B4GALT1: variants seen among roughly 807,000 people sequenced by gnomAD.
B4GALT1 encodes beta-1,4-galactosyltransferase 1.
B4GALT1 carries 16 observed loss-of-function variants against 34.9 expected under a neutral mutation model. That is an observed-to-expected ratio of 0.46 (90% confidence interval 0.31 to 0.70). B4GALT1 has a LOEUF of 0.70. B4GALT1 is among the 30% of genes least tolerant of loss of function. B4GALT1 has a pLI of 0.05. For synonymous variants in B4GALT1, 221 were observed against 218.1 expected, an observed-to-expected ratio of 1.01 and a Z score of -0.12; for missense variants, 445 against 530.5, an observed-to-expected ratio of 0.84 and a Z score of 1.58.
At chr9:33,115,869 T>C (rs1031364606) in intron 4 of B4GALT1, 122 bp downstream of exon 4, 1 of 1,287,950 alleles carries the variant, frequency 7.8e-7, no homozygotes, top group East Asian at 2.5e-5. Context: ...CACCTAAGAA[T>C]GTGGGCTGAC....
chr9:33,110,500 G>A (rs1379080185), downstream of B4GALT1: 2 of 152,132 alleles, frequency 1.3e-5, no homozygotes, highest in Non-Finnish European at 2.9e-5. Flanking sequence ...ACAGATAAGA[G>A]AATGAAGTTC....
chr9:33,124,564 A>C (rs974951200), intron 2 of B4GALT1, among the ~76,000 whole-genome samples: 2 of 152,150 alleles, frequency 1.3e-5, no homozygotes, highest in African/African-American at 4.8e-5. Context: ...CAGCCCGGGG[A>C]GGCTGAGGTT....
chr9:33,136,435 C>T (rs1189849605), intron 1 of B4GALT1, among the ~76,000 whole-genome samples: 4 of 152,144 alleles, frequency 2.6e-5, no homozygotes, highest in East Asian at 1.9e-4. Context: ...ACCCAGGCTC[C>T]CCATACTCTC....
intron 1 of B4GALT1, among the ~76,000 whole-genome samples, chr9:33,152,530 T>TA (rs886448542): frequency 1.6e-3 from 127 of 81,816 alleles, no homozygotes; most frequent in Middle Eastern, 6.9e-3. Context: ...AGAAAAAGGG[T>TA]AAAAAAAAAT....
intron 1 of B4GALT1, among the ~76,000 whole-genome samples, chr9:33,148,776 C>A (rs1840464607): frequency 7.0e-6 from 1 of 142,634 alleles, no homozygotes; most frequent in African/African-American, 2.7e-5. Flanking sequence ...AACAAGAGGA[C>A]CATGGAACTT....
At chr9:33,125,922 G>A (rs1840085663) in intron 2 of B4GALT1, among the ~76,000 whole-genome samples, 1 of 152,136 alleles carries the variant, frequency 6.6e-6, no homozygotes, top group South Asian at 2.1e-4. Context: ...GGGACCAACT[G>A]TGCCCAGCCT....
At chr9:33,155,633 C>T (rs1399164346) in intron 1 of B4GALT1, among the ~76,000 whole-genome samples, 1 of 152,162 alleles carries the variant, frequency 6.6e-6, no homozygotes, top group Non-Finnish European at 1.5e-5. Flanking sequence ...CTCCTTGTGG[C>T]CTGGGGTACT....
At chr9:33,183,828 T>G in the B4GALT1 span, among the ~76,000 whole-genome samples, 1 of 152,004 alleles carries the variant, frequency 6.6e-6, no homozygotes, top group Non-Finnish European at 1.5e-5. Flanking sequence ...CATGGAATAC[T>G]ATGCAGCCAT....
rs1296842676 is a variant in B4GALT1, at chr9:33,113,929, C to T, written c.960-51G>A. The T allele has an allele frequency of 3.2e-6, 5 of 1,539,070 alleles. No homozygotes were observed. The East Asian group carries it at 1.1e-4, about 35-fold the overall frequency. ...TATCACAGAGCTGCCATACACTTGGCCTGAGAGCCCCGGCTGCAAGACTGT... is the reference window on the plus strand; with the variant it reads ...TATCACAGAGCTGCCATACACTTGGTCTGAGAGCCCCGGCTGCAAGACTGT... On this transcript the variant is annotated intron_variant, in intron 4 of 5. Coordinates refer to ENST00000379731, the MANE Select transcript of B4GALT1 (RefSeq NM_001497.4).
chr9:33,177,513 T>C, the B4GALT1 span: 2 of 152,230 alleles, frequency 1.3e-5, no homozygotes, highest in South Asian at 4.1e-4. Context: ...CTTTTGTTTG[T>C]GTATTTTCTA....
At chr9:33,116,579 G>A (rs1388218520) in intron 3 of B4GALT1, among the ~76,000 whole-genome samples, 2 of 131,886 alleles carry the variant, frequency 1.5e-5, no homozygotes, top group African/African-American at 5.7e-5. Flanking sequence ...GGAGTACAAT[G>A]GCGTGATCTC....
At chr9:33,118,373 C>A (rs1042368405) in intron 3 of B4GALT1, among the ~76,000 whole-genome samples, 1 of 152,116 alleles carries the variant, frequency 6.6e-6, no homozygotes, top group Non-Finnish European at 1.5e-5. Flanking sequence ...AAAGCTGTTG[C>A]ATCTCAGCAG....
chr9:33,105,062 C>T (rs963445625), intron 2 of B4GALT1, among the ~76,000 whole-genome samples: 1 of 151,978 alleles, frequency 6.6e-6, no homozygotes, highest in East Asian at 1.9e-4. Flanking sequence ...TCAAGTGATC[C>T]GCCCACCTTG....
chr9:33,157,097 C>T (rs1317103876), intron 1 of B4GALT1, among the ~76,000 whole-genome samples: 1 of 137,736 alleles, frequency 7.3e-6, no homozygotes, highest in Non-Finnish European at 1.6e-5. Flanking sequence ...CACACACACA[C>T]ACACGGTGTC....
At chr9:33,161,159 A>C (rs1840669812) in intron 1 of B4GALT1, among the ~76,000 whole-genome samples, 1 of 152,176 alleles carries the variant, frequency 6.6e-6, no homozygotes, top group African/African-American at 2.4e-5. Flanking sequence ...AGAATTCAGC[A>C]ACAGCCAATT....
chr9:33,132,312 C>T (rs1242188418), intron 2 of B4GALT1, among the ~76,000 whole-genome samples: 4 of 152,180 alleles, frequency 2.6e-5, no homozygotes, highest in East Asian at 3.9e-4. Flanking sequence ...AACTTAGGCC[C>T]GCTTTCCCCA....
At chr9:33,161,085 G>A (rs1840668848) in intron 1 of B4GALT1, among the ~76,000 whole-genome samples, 1 of 152,086 alleles carries the variant, frequency 6.6e-6, no homozygotes, top group Admixed American at 6.5e-5. Flanking sequence ...AGCAGCGGGT[G>A]TGGGGAGTGG....
chr9:33,139,983 C>T (rs1351021322), intron 1 of B4GALT1, among the ~76,000 whole-genome samples: 1 of 152,260 alleles, frequency 6.6e-6, no homozygotes, highest in Non-Finnish European at 1.5e-5. Flanking sequence ...GCCACGTGGG[C>T]CTCTCGGCTG....
At chr9:33,127,597 C>A (rs187696856) in intron 2 of B4GALT1, among the ~76,000 whole-genome samples, 1 of 152,278 alleles carries the variant, frequency 6.6e-6, no homozygotes, top group East Asian at 1.9e-4. Context: ...CCAAGATGTT[C>A]ATTATGGTAT....
Sources: gnomAD v4.1 joint callset for allele counts (sites outside exome capture counted in the v4.1 genomes callset) on GRCh38, gnomAD v4.1.1 for gene constraint, MANE v1.5 for transcripts, NCBI Gene and HGNC (gene_info 2026-07-23, HGNC 2026-07-21) for gene names.